Variants in NTM observed in about 807,000 individuals in gnomAD.
NTM encodes the protein IgLON family member 2.
NTM carries 13 observed loss-of-function variants against 42.1 expected under a neutral mutation model. The ratio of observed to expected loss-of-function variants is 0.31; its 90% CI spans 0.20 to 0.49. The LOEUF is 0.49. Ranked by LOEUF, NTM falls within the 20% of genes least tolerant of loss-of-function variation. NTM has a pLI of 0.99. For missense variants in NTM, 373 were observed against 452.8 expected (o/e 0.82, Z 1.60); for synonymous variants, 187 against 179.2 (o/e 1.04, Z -0.35).
chr11:131,604,871 A>G (rs145229953), intron 1 of NTM, among the ~76,000 whole-genome samples: 88 of 142,694 alleles, frequency 6.2e-4, no homozygotes, highest in African/African-American at 2.1e-3. Flanking sequence ...CATATATTAT[A>G]TATGTGAGGG....
intron 1 of NTM, among the ~76,000 whole-genome samples, chr11:131,541,189 G>A (rs759869827): frequency 6.6e-6 from 1 of 152,096 alleles, no homozygotes; most frequent in African/African-American, 2.4e-5. Flanking sequence ...GTCCTGCCTC[G>A]AAACAAACAC....
At chr11:132,069,707 GGTT>G (rs2057167016) in intron 2 of NTM, among the ~76,000 whole-genome samples, 1 of 64,356 alleles carries the variant, frequency 1.6e-5, no homozygotes. Context: ...CACACAGCCA[GGTT>G]AACACGTCAC....
intron 2 of NTM, among the ~76,000 whole-genome samples, chr11:131,927,340 T>C (rs1292160641): frequency 6.6e-6 from 1 of 152,200 alleles, no homozygotes. Flanking sequence ...ACCATTAATA[T>C]ATAATTAGTA....
intron 1 of NTM, among the ~76,000 whole-genome samples, chr11:131,728,249 T>G (rs1218284719): frequency 6.6e-6 from 1 of 152,198 alleles, no homozygotes; most frequent in Non-Finnish European, 1.5e-5. Flanking sequence ...CAAGACTGTT[T>G]CCCCACTTCT....
At chr11:131,918,928 G>T (rs1047607684) in intron 2 of NTM, among the ~76,000 whole-genome samples, 2 of 152,100 alleles carry the variant, frequency 1.3e-5, no homozygotes, top group Admixed American at 1.3e-4. Context: ...TTGGCTTTAG[G>T]TATCAGCAAT....
chr11:132,140,223 T>G (rs4468361), intron 2 of NTM, among the ~76,000 whole-genome samples: 2 of 151,826 alleles, frequency 1.3e-5, no homozygotes, highest in Non-Finnish European at 2.9e-5. Context: ...CTATTCTCTT[T>G]GCTCTCCCGG....
chr11:132,284,240 G>A (rs985125072), intron 4 of NTM: 4 of 152,250 alleles, frequency 2.6e-5, no homozygotes, highest in Admixed American at 2.6e-4. Flanking sequence ...AAGTACCACA[G>A]CCTGGAGGGC....
intron 1 of NTM, among the ~76,000 whole-genome samples, chr11:131,568,077 C>T (rs1258657824): frequency 6.6e-6 from 1 of 152,196 alleles, no homozygotes; most frequent in Non-Finnish European, 1.5e-5. Context: ...GTCACAGAAT[C>T]CTCTCGACAG....
chr11:131,869,902 C>T (rs79739795), intron 1 of NTM, among the ~76,000 whole-genome samples: 2,449 of 152,306 alleles, frequency 0.016, 69 homozygotes, highest in African/African-American at 0.056. Context: ...ACTGTTGGTA[C>T]AGCTTTAAGT....
intron 3 of NTM, among the ~76,000 whole-genome samples, chr11:132,174,763 C>T (rs751652430): frequency 2.6e-5 from 4 of 152,082 alleles, no homozygotes; most frequent in Non-Finnish European, 4.4e-5. Context: ...TTGCTGGAGT[C>T]GTGCATTTAA....
At chr11:131,967,871 C>T (rs2063031374) in intron 2 of NTM, among the ~76,000 whole-genome samples, 1 of 152,152 alleles carries the variant, frequency 6.6e-6, no homozygotes, top group Non-Finnish European at 1.5e-5. Context: ...TTCTCATTAA[C>T]TGGTCAGCAT....
At chr11:131,874,144 G>A (rs1009542637) in intron 1 of NTM, among the ~76,000 whole-genome samples, 1 of 145,918 alleles carries the variant, frequency 6.9e-6, no homozygotes, top group African/African-American at 2.5e-5. Flanking sequence ...GGCCTTCTTG[G>A]TCTCACCTGG....
chr11:132,055,459 G>A (rs1054802298), intron 2 of NTM, among the ~76,000 whole-genome samples: 8 of 152,270 alleles, frequency 5.3e-5, no homozygotes, highest in Non-Finnish European at 1.0e-4. Context: ...CAAATGAATA[G>A]AAACATGTTT....
At chr11:131,932,880 G>A (rs113637968) in intron 2 of NTM, among the ~76,000 whole-genome samples, 1,683 of 152,224 alleles carry the variant, frequency 0.011, 29 homozygotes, top group African/African-American at 0.033. Flanking sequence ...TTAACTGCCC[G>A]GGACACACAA....
intron 1 of NTM, among the ~76,000 whole-genome samples, chr11:131,520,533 G>A (rs186265341): frequency 2.0e-5 from 3 of 152,198 alleles, no homozygotes; most frequent in Non-Finnish European, 4.4e-5. Context: ...GGATAGCCAC[G>A]CAATTTGATT....
intron 1 of NTM, among the ~76,000 whole-genome samples, chr11:131,440,525 C>A (rs1043897777): frequency 3.9e-5 from 6 of 152,040 alleles, no homozygotes; most frequent in Non-Finnish European, 8.8e-5. Context: ...CCCTGGGGAG[C>A]CTGGGACAAC....
chr11:132,009,819 T>C (rs1480194993), intron 2 of NTM, among the ~76,000 whole-genome samples: 1 of 152,226 alleles, frequency 6.6e-6, no homozygotes, highest in African/African-American at 2.4e-5. Flanking sequence ...TTTTCAATTT[T>C]GTAGGAAGGT....
intron 2 of NTM, among the ~76,000 whole-genome samples, chr11:131,999,602 G>A (rs745436786): frequency 2.0e-5 from 3 of 152,198 alleles, no homozygotes; most frequent in Non-Finnish European, 4.4e-5. Context: ...GAAAAGGGAC[G>A]CAGTCTTTGC....
intron 1 of NTM, among the ~76,000 whole-genome samples, chr11:131,655,656 A>G (rs2067089939): frequency 6.6e-6 from 1 of 152,232 alleles, no homozygotes; most frequent in Non-Finnish European, 1.5e-5. Context: ...GTGGTGGAGA[A>G]AGGACGGTGG....
Sources: allele counts gnomAD v4.1 joint callset (sites outside exome capture counted in the v4.1 genomes callset), GRCh38; gene constraint gnomAD v4.1.1; transcripts MANE v1.5; gene names NCBI Gene and HGNC (gene_info 2026-07-23, HGNC 2026-07-21).